The following ZNF143 variants were observed in gnomAD, a reference collection of about 807,000 sequenced individuals.
The protein encoded by ZNF143 is SPH-binding factor.
ZNF143 carries 49 observed loss-of-function variants against 74.1 expected under a neutral mutation model. The ratio of observed to expected loss-of-function variants is 0.66; its 90% confidence interval spans 0.53 to 0.84. ZNF143 has a LOEUF of 0.84. Among genes scored for constraint, ZNF143 ranks in the 40% least tolerant of loss-of-function variants. ZNF143 has a pLI of 0.00. For missense variants in ZNF143, 637 were observed against 793.4 expected, an observed-to-expected ratio of 0.80 and a Z score of 2.37; for synonymous variants, 304 against 282.8, an observed-to-expected ratio of 1.07 and a Z score of -0.75.
chr11:9,471,164 T>C, intron 1 of ZNF143, 138 bp from the exon 2 acceptor site: 1 of 666,844 alleles, frequency 1.5e-6, no homozygotes. Flanking sequence ...ACTCTTACCC[T>C]ACATATTGAG....
intron 11 of ZNF143, among the ~76,000 whole-genome samples, chr11:9,504,416 T>C (rs539464827): frequency 3.2e-5 from 4 of 126,930 alleles, no homozygotes; most frequent in African/African-American, 1.0e-4. Context: ...TTATTAGATA[T>C]ATTAGTTACA....
chr11:9,462,940 CA>C (rs1855960476), intron 1 of ZNF143, among the ~76,000 whole-genome samples: 1 of 152,036 alleles, frequency 6.6e-6, no homozygotes, highest in African/African-American at 2.4e-5. Flanking sequence ...AATTTAGCAA[CA>C]TATCACCCCC....
At chr11:9,481,974 C>CA in intron 7 of ZNF143, among the ~76,000 whole-genome samples, 1 of 122,392 alleles carries the variant, frequency 8.2e-6, no homozygotes, top group South Asian at 2.5e-4. Flanking sequence ...ACCCATTACT[C>CA]TTTTTTTTTT....
intron 7 of ZNF143, among the ~76,000 whole-genome samples, chr11:9,487,649 G>A (rs771091232): frequency 6.6e-6 from 1 of 152,136 alleles, no homozygotes; most frequent in African/African-American, 2.4e-5. Flanking sequence ...GAGCCACCAC[G>A]CCCGGCCAAG....
rs748540650 is a variant in ZNF143, at chr11:9,527,604, G to A, written c.1908G>A (p.Leu636=). 8 of 1,613,906 alleles carry A rather than the reference G, an allele frequency of 5.0e-6. No individual in the cohort carries two copies. In the South Asian group the frequency reaches 7.7e-5, roughly 16 times the overall value. ...TCCAACAAGGAGAAACGCCAGGGTT[G>A]GATGATTAATCCTCAGAACAATGGA... is the stretch of plus-strand genomic sequence containing the variant. ...SRIQQGETPG[L]DD Residue 636 remains leucine (L), a synonymous_variant, in exon 16 of 16, where the codon TTG becomes TTA. Transcript: ENST00000396602.
intron 7 of ZNF143, among the ~76,000 whole-genome samples, chr11:9,481,075 A>G (rs1847219533): frequency 6.6e-6 from 1 of 152,034 alleles, no homozygotes; most frequent in South Asian, 2.1e-4. Context: ...CTCAATTCAT[A>G]TTCATATTTT....
chr11:9,502,464 G>T (rs1848201380), intron 11 of ZNF143, among the ~76,000 whole-genome samples: 1 of 150,828 alleles, frequency 6.6e-6, no homozygotes, highest in African/African-American at 2.4e-5. Flanking sequence ...CAAAAAATTA[G>T]CCGGGCATGG....
At chr11:9,462,913 C>A (rs1025652566) in intron 1 of ZNF143, among the ~76,000 whole-genome samples, 1 of 152,126 alleles carries the variant, frequency 6.6e-6, no homozygotes, top group African/African-American at 2.4e-5. Context: ...CAGAGTTGCG[C>A]AGCCATCACT....
chr11:9,515,557 G>A (rs1424524828), intron 13 of ZNF143, among the ~76,000 whole-genome samples: 1 of 151,836 alleles, frequency 6.6e-6, no homozygotes, highest in African/African-American at 2.4e-5. Flanking sequence ...GGGAGGCTGA[G>A]GCAGGACAGT....
At chr11:9,482,106 G>A (rs1847264335) in intron 7 of ZNF143, among the ~76,000 whole-genome samples, 1 of 146,930 alleles carries the variant, frequency 6.8e-6, no homozygotes, top group South Asian at 2.2e-4. Context: ...GAGTAGCTGG[G>A]ACTACAGGCG....
intron 15 of ZNF143, 96 bp from the exon 16 acceptor site, chr11:9,527,434 A>G (rs1849168709): frequency 9.1e-7 from 1 of 1,097,558 alleles, no homozygotes. Context: ...AGAATTACAG[A>G]GAGAAGTTTC....
intron 14 of ZNF143, among the ~76,000 whole-genome samples, chr11:9,519,998 C>T (rs1284077420): frequency 6.9e-6 from 1 of 145,224 alleles, no homozygotes; most frequent in African/African-American, 2.6e-5. Flanking sequence ...CCAACCTGGG[C>T]AATGTAGCAA....
chr11:9,508,930 G>A, intron 12 of ZNF143, 84 bp downstream of exon 12: 4 of 1,379,314 alleles, frequency 2.9e-6, no homozygotes, highest in Non-Finnish European at 4.0e-6. Flanking sequence ...AGCATTTTCT[G>A]AAATCCTAAT....
At chr11:9,518,864 T>G (rs899195822) in intron 14 of ZNF143, among the ~76,000 whole-genome samples, 6 of 152,346 alleles carry the variant, frequency 3.9e-5, no homozygotes, top group Admixed American at 2.6e-4. Flanking sequence ...CTAAAAGCTT[T>G]CTTTTTCACT....
intron 14 of ZNF143, among the ~76,000 whole-genome samples, chr11:9,523,096 C>G (rs778330277): frequency 1.3e-5 from 2 of 152,148 alleles, no homozygotes; most frequent in Non-Finnish European, 2.9e-5. Flanking sequence ...AAATTGCATT[C>G]TGGACCTTGT....
chr11:9,521,185 A>G (rs1848912811), intron 14 of ZNF143, among the ~76,000 whole-genome samples: 1 of 152,194 alleles, frequency 6.6e-6, no homozygotes, highest in South Asian at 2.1e-4. Flanking sequence ...ATCAGGATTC[A>G]CTGTTAGTGT....
intron 15 of ZNF143, 99 bp from the exon 16 acceptor site, chr11:9,527,431 C>A: frequency 9.2e-7 from 1 of 1,083,460 alleles, no homozygotes; most frequent in Non-Finnish European, 1.4e-6. Flanking sequence ...GTCAGAATTA[C>A]AGAGAGAAGT....
chr11:9,493,246 AT>A (rs902987636), intron 7 of ZNF143, among the ~76,000 whole-genome samples: 34 of 151,758 alleles, frequency 2.2e-4, no homozygotes, highest in African/African-American at 7.7e-4. Context: ...TAATTTTTGT[AT>A]TTTTAGTAGA....
chr11:9,465,043 AAG>A (rs1856113466), intron 1 of ZNF143, among the ~76,000 whole-genome samples: 1 of 152,346 alleles, frequency 6.6e-6, no homozygotes, highest in Admixed American at 6.5e-5. Context: ...GGAATAAAAA[AAG>A]CTGAATACAA....
Sources: allele counts gnomAD v4.1 joint callset (sites outside exome capture counted in the v4.1 genomes callset), GRCh38; gene constraint gnomAD v4.1.1; transcripts MANE v1.5; gene names NCBI Gene and HGNC (gene_info 2026-07-23, HGNC 2026-07-21).